The following RASGEF1A variants were observed in gnomAD, a reference collection of about 807,000 sequenced individuals.
RASGEF1A encodes ras-GEF domain-containing family member 1A.
In RASGEF1A, 18 loss-of-function variants were observed where a neutral mutation model predicts 56.4. The observed-to-expected ratio is 0.32, with a 90% CI of 0.22 to 0.47. RASGEF1A has a LOEUF of 0.47. RASGEF1A is among the 20% of genes least tolerant of loss of function. RASGEF1A has a pLI of 1.00. For synonymous variants in RASGEF1A, 245 were observed against 242.6 expected (o/e 1.01, Z -0.09); for missense variants, 422 against 627.1 (o/e 0.67, Z 3.49).
intron 1 of RASGEF1A, among the ~76,000 whole-genome samples, chr10:43,225,180 G>A (rs1009277272): frequency 7.5e-6 from 1 of 132,630 alleles, no homozygotes; most frequent in African/African-American, 2.9e-5. Flanking sequence ...CTGTGTCTGT[G>A]TGTGTCTCTG....
At chr10:43,206,197 T>G in intron 1 of RASGEF1A, 75 bp from the exon 2 acceptor site, 5 of 1,267,632 alleles carry the variant, frequency 3.9e-6, no homozygotes, top group Admixed American at 2.0e-5. Context: ...CCAGGCAGCC[T>G]GCAGCGTGCA....
intron 1 of RASGEF1A, chr10:43,229,557 G>A (rs1461664123): frequency 1.6e-6 from 2 of 1,249,944 alleles, no homozygotes; most frequent in South Asian, 1.3e-5. Flanking sequence ...GGGATGCAGG[G>A]GACCGTCGCA....
chr10:43,260,161 C>T (rs909045584), intron 1 of RASGEF1A, among the ~76,000 whole-genome samples: 7 of 152,154 alleles, frequency 4.6e-5, no homozygotes, highest in African/African-American at 1.7e-4. Flanking sequence ...TGGTCAGGGG[C>T]CCTCCCAGCA....
At chr10:43,237,594 C>T (rs764592429) in intron 1 of RASGEF1A, among the ~76,000 whole-genome samples, 4 of 152,188 alleles carry the variant, frequency 2.6e-5, no homozygotes, top group South Asian at 4.1e-4. Context: ...GCTGCATCTG[C>T]TATTTTGCAG....
At chr10:43,209,125 T>A (rs1840033388) in intron 1 of RASGEF1A, 5 of 985,488 alleles carry the variant, frequency 5.1e-6, no homozygotes, top group Non-Finnish European at 6.0e-6. Flanking sequence ...AGGCAGCCCC[T>A]TCCCAAGGAA....
At chr10:43,265,565 C>T (rs1407646892) in intron 1 of RASGEF1A, among the ~76,000 whole-genome samples, 2 of 152,274 alleles carry the variant, frequency 1.3e-5, no homozygotes, top group African/African-American at 4.8e-5. Context: ...CCCCCTGCTC[C>T]GGATCTCCCC....
chr10:43,240,610 G>C (rs1260653038), intron 1 of RASGEF1A, among the ~76,000 whole-genome samples: 2 of 152,046 alleles, frequency 1.3e-5, no homozygotes, highest in African/African-American at 2.4e-5. Context: ...TCAACAACAG[G>C]TTTGAACAGA....
chr10:43,218,374 T>G lies in RASGEF1A; in HGVS notation c.-6-12252A>C, dbSNP rs567584245. Among the ~76,000 whole-genome samples, 12 of 152,382 alleles carry G rather than the reference T, an allele frequency of 7.9e-5. No individual in the cohort carries two copies. The South Asian group carries it at 2.3e-3, about 29-fold the overall frequency. On this transcript the variant is annotated intron_variant, in intron 1 of 12. Coordinates refer to ENST00000395810, the MANE Select transcript of RASGEF1A (RefSeq NM_145313.4). Reference sequence around the variant, plus strand: ...GGTGGACCCGTTGACCTGGTTGCACTGTCCTGTCCCAGGCATGGGGGACTC... The same window carrying G: ...GGTGGACCCGTTGACCTGGTTGCACGGTCCTGTCCCAGGCATGGGGGACTC...
intron 1 of RASGEF1A, among the ~76,000 whole-genome samples, chr10:43,222,664 C>G (rs1206930640): frequency 6.6e-6 from 1 of 152,214 alleles, no homozygotes; most frequent in African/African-American, 2.4e-5. Flanking sequence ...CTGTAAAAAC[C>G]TGCATAGTAA....
intron 1 of RASGEF1A, among the ~76,000 whole-genome samples, chr10:43,236,380 C>T (rs1210962994): frequency 6.6e-6 from 1 of 152,214 alleles, no homozygotes; most frequent in Admixed American, 6.5e-5. Flanking sequence ...AGCAGGTGTG[C>T]GTATGCACAT....
rs1269669411 is a variant in RASGEF1A at position 43,199,144 on chromosome 10, C to T, written c.900G>A (p.Val300=). 3 of 1,613,844 alleles carry T rather than the reference C, an allele frequency of 1.9e-6. No homozygotes were observed. The highest frequency in any genetic ancestry group is 2.2e-5 in the East Asian group (1 of 44,862). Residue 300 remains valine, a synonymous_variant, in exon 8 of 13, where the codon GTG becomes GTA. Transcript: ENST00000395810. ...RTRMLEFFID[V]ARECFNIGNF... Reference sequence around the variant, plus strand: ...TCCCGATGTTGAAGCACTCCCGGGCCACATCAATGAAGAACTCCAACATGC... The same window carrying T: ...TCCCGATGTTGAAGCACTCCCGGGCTACATCAATGAAGAACTCCAACATGC...
At chr10:43,255,593 TGAG>T (rs1219036209) in intron 1 of RASGEF1A, among the ~76,000 whole-genome samples, 1 of 152,214 alleles carries the variant, frequency 6.6e-6, no homozygotes, top group Non-Finnish European at 1.5e-5. Context: ...GCCACCACTC[TGAG>T]GAGGTGAGGA....
intron 1 of RASGEF1A, among the ~76,000 whole-genome samples, chr10:43,211,442 G>A (rs1301537942): frequency 6.6e-6 from 1 of 152,170 alleles, no homozygotes; most frequent in Non-Finnish European, 1.5e-5. Context: ...GCTGAACCTA[G>A]AGGCCCCTTG....
At chr10:43,244,407 A>T (rs989125841) in intron 1 of RASGEF1A, among the ~76,000 whole-genome samples, 35 of 148,216 alleles carry the variant, frequency 2.4e-4, no homozygotes, top group African/African-American at 8.4e-4. Flanking sequence ...AAAAAATTAA[A>T]AAAAAAAATC....
At chr10:43,235,755 C>T (rs1027184903) in intron 1 of RASGEF1A, among the ~76,000 whole-genome samples, 8 of 152,182 alleles carry the variant, frequency 5.3e-5, no homozygotes, top group African/African-American at 7.2e-5. Flanking sequence ...CAGTGGAGAA[C>T]GCATCCAGGG....
intron 1 of RASGEF1A, chr10:43,206,853 T>C (rs908347456): frequency 1.0e-6 from 1 of 985,990 alleles, no homozygotes; most frequent in African/African-American, 1.7e-5. Flanking sequence ...GATCTGGAAC[T>C]GGCTTTGGGG....
chr10:43,239,398 AG>A (rs1264658271), intron 1 of RASGEF1A, among the ~76,000 whole-genome samples: 1 of 152,228 alleles, frequency 6.6e-6, no homozygotes, highest in Admixed American at 6.5e-5. Context: ...TGGTGGAGTA[AG>A]GACCTCCAAA....
chr10:43,203,901 T>C (rs60410957), intron 2 of RASGEF1A: 81 of 460,982 alleles, frequency 1.8e-4, no homozygotes, highest in East Asian at 1.7e-3. Context: ...GGGCGGGGCC[T>C]CATCAGCAGG....
intron 1 of RASGEF1A, among the ~76,000 whole-genome samples, chr10:43,221,515 G>A (rs1211245297): frequency 6.6e-6 from 1 of 152,196 alleles, no homozygotes; most frequent in African/African-American, 2.4e-5. Context: ...TTGGAACCCT[G>A]TCTGATGTGC....
Sources: allele counts gnomAD v4.1 joint callset (sites outside exome capture counted in the v4.1 genomes callset), GRCh38; gene constraint gnomAD v4.1.1; transcripts MANE v1.5; gene names NCBI Gene and HGNC (gene_info 2026-07-23, HGNC 2026-07-21).